AADAC: variants seen among roughly 807,000 people sequenced by gnomAD.
AADAC encodes the protein arylacetamide deacetylase.
AADAC carries 17 observed loss-of-function variants against 22.7 expected under a neutral mutation model. That is an observed-to-expected ratio of 0.75 (90% CI 0.51 to 1.12). The LOEUF (loss-of-function observed/expected upper bound fraction) is 1.12, where lower values mean the gene tolerates loss of function less well. AADAC is among the 50% of genes most tolerant of loss of function. AADAC has a pLI of 0.00. For synonymous variants in AADAC, 167 were observed against 176.3 expected, an observed-to-expected ratio of 0.95 and a Z score of 0.42; for missense variants, 465 against 473.9, an observed-to-expected ratio of 0.98 and a Z score of 0.17.
chr3:151,814,487 T>TA (rs1024932948), intron 1 of AADAC, among the ~76,000 whole-genome samples, 187 bp downstream of exon 1: 9 of 152,012 alleles, frequency 5.9e-5, no homozygotes, highest in Admixed American at 2.6e-4. Flanking sequence ...GGAATCATGT[T>TA]AAAAAAATAT....
chr3:151,819,164 G>A (rs912290715), intron 2 of AADAC, among the ~76,000 whole-genome samples: 1 of 151,972 alleles, frequency 6.6e-6, no homozygotes, highest in Non-Finnish European at 1.5e-5. Context: ...CTGGGAGGGT[G>A]AGAACAGATT....
intron 2 of AADAC, among the ~76,000 whole-genome samples, chr3:151,819,031 A>G (rs1716120939): frequency 1.3e-5 from 2 of 152,034 alleles, no homozygotes; most frequent in African/African-American, 4.8e-5. Flanking sequence ...ATTAGTCCTG[A>G]AAAGAAAAGG....
Position 151,814,310 on chromosome 3 carries a change from G to T in AADAC, c.138+10G>T. 6.2e-7 allele frequency: 1 copy of T among 1,607,478 alleles called. No homozygotes were observed. On this transcript the variant is annotated intron_variant, in intron 1 of 4. Transcript: ENST00000232892. The stretch of plus-strand genomic sequence containing the variant: ...AACTATACAAAATTTGGTAAGTTTG[G>T]AATTTTATGAATTCAGATGTGCATA...
intron 3 of AADAC, 60 bp downstream of exon 3, chr3:151,820,512 C>CTTTTTT: frequency 1.6e-5 from 10 of 615,030 alleles, no homozygotes; most frequent in Admixed American, 5.5e-5. Context: ...ATTTTCTCAG[C>CTTTTTT]TTTCTTTTTT....
chr3:151,815,369 C>T (rs930556496), intron 1 of AADAC, among the ~76,000 whole-genome samples: 1 of 151,938 alleles, frequency 6.6e-6, no homozygotes, highest in Non-Finnish European at 1.5e-5. Flanking sequence ...TTGACAAGTC[C>T]AAGAAATCAT....
At position 151,817,540 on chromosome 3, in the gene AADAC, A is replaced by G. The variant is rs758996539; in HGVS notation, c.313A>G (p.Arg105Gly). Residue 105 changes from arginine to glycine, a missense_variant, in exon 2 of 5, where the codon AGG becomes GGG. Transcript: ENST00000232892. The stretch of plus-strand genomic sequence containing the variant: ...AAAGAGAAAGTCTGAAGCACTAAGA[A>G]GGGGGTTGTTTTACATCCATGGTGG... The part of the protein sequence containing the change: ...VPKRKSEALR[R>G]GLFYIHGGGW... 5.6e-6 allele frequency: 9 copies of G among 1,613,724 alleles called. No homozygotes were observed. In the Admixed American group the frequency reaches 1.3e-4, roughly 24 times the overall value.
In AADAC at chr3:151,827,760, C is replaced by A; in HGVS notation, c.788C>A (p.Ala263Asp). 5.6e-6 allele frequency: 9 copies of A among 1,613,172 alleles called. No individual in the cohort carries two copies. Among genetic ancestry groups the A allele is most frequent in the Non-Finnish European group, 7.6e-6 (9 of 1,179,480 alleles). ...ACCACTGATAGATCACTTGAAAAAGCCATGCTTTCCAGACAACATGTACCT... is the reference window on the plus strand; with the variant it reads ...ACCACTGATAGATCACTTGAAAAAGACATGCTTTCCAGACAACATGTACCT... The part of the protein sequence containing the change: ...YFTTDRSLEK[A>D]MLSRQHVPVE... The change falls in exon 5 of 5, where the codon GCC becomes GAC. Residue 263 changes from alanine (A) to aspartate (D), a missense_variant. Transcript: ENST00000232892.
chr3:151,821,521 A>T (rs1007242156), intron 3 of AADAC, among the ~76,000 whole-genome samples: 2 of 151,984 alleles, frequency 1.3e-5, no homozygotes, highest in African/African-American at 4.8e-5. Context: ...GTCAAGTTAA[A>T]TCATTATTAT....
At position 151,816,553 on chromosome 3, in the gene AADAC, A is replaced by T. The variant is rs1266442554; in HGVS notation, c.139-813A>T. Among the ~76,000 whole-genome samples the T allele has an allele frequency of 2.0e-5, 3 of 152,116 alleles. No individual in the cohort carries two copies. The East Asian group carries it at 5.8e-4, about 29-fold the overall frequency. On this transcript the variant is annotated intron_variant, in intron 1 of 4. Coordinates refer to ENST00000232892, the MANE Select transcript of AADAC (RefSeq NM_001086.3). ...TGTCTGGTTCATCTCTGAAACCGTA[A>T]AGCTTGGTAGAGAGCCTGACACATT...
Position 151,828,092 on chromosome 3 carries a change from G to C in AADAC, c.1120G>C (p.Gly374Arg). The change falls in exon 5 of 5, where the codon GGA (glycine) becomes CGA (arginine). Residue 374 changes from glycine (G) to arginine (R), a missense_variant. Transcript: ENST00000232892. ...THNHVEDGFH[G>R]AFSFLGLKIS... Reference sequence around the variant, plus strand: ...TAACCATGTTGAGGATGGATTCCATGGAGCATTTTCATTTCTGGGACTTAA... The same window carrying C: ...TAACCATGTTGAGGATGGATTCCATCGAGCATTTTCATTTCTGGGACTTAA... 1 of 1,611,386 alleles carries C rather than the reference G, an allele frequency of 6.2e-7. No individual in the cohort carries two copies. Among genetic ancestry groups the C allele is most frequent in the Non-Finnish European group, 8.5e-7 (1 of 1,178,426 alleles).
At chr3:151,816,109 T>G (rs1164092157) in intron 1 of AADAC, among the ~76,000 whole-genome samples, 1 of 152,008 alleles carries the variant, frequency 6.6e-6, no homozygotes, top group Non-Finnish European at 1.5e-5. Context: ...ATGACTACAA[T>G]AGAGTGCTCA....
chr3:151,825,441 A>C (rs1377021338), intron 4 of AADAC, among the ~76,000 whole-genome samples: 1 of 151,812 alleles, frequency 6.6e-6, no homozygotes, highest in East Asian at 1.9e-4. Flanking sequence ...ATATTATATT[A>C]AGTAGGTGAA....
intron 1 of AADAC, among the ~76,000 whole-genome samples, chr3:151,816,423 C>G (rs1187736723): frequency 1.3e-5 from 2 of 152,050 alleles, no homozygotes; most frequent in Admixed American, 6.6e-5. Flanking sequence ...ACCTGCTGTT[C>G]GCTCCCAAAG....
chr3:151,823,446 TAGA>T (rs1299115696), intron 3 of AADAC, among the ~76,000 whole-genome samples: 1 of 151,890 alleles, frequency 6.6e-6, no homozygotes, highest in East Asian at 1.9e-4. Flanking sequence ...TACCAATTAA[TAGA>T]AGTATAGGCG....
intron 1 of AADAC, 117 bp from the exon 2 acceptor site, chr3:151,817,249 T>C (rs983811435): frequency 2.6e-5 from 22 of 847,030 alleles, no homozygotes; most frequent in Non-Finnish European, 3.7e-5. Context: ...GATTCATGCA[T>C]GAAAATTTAG....
intron 3 of AADAC, 89 bp from the exon 4 acceptor site, chr3:151,824,574 C>A (rs12491139): frequency 0.13 from 136,219 of 1,072,598 alleles, 9,938 homozygotes; most frequent in Middle Eastern, 0.15. Flanking sequence ...AAAGTTATTG[C>A]GGTTTTGTCA....
At chr3:151,827,256 A>G (rs533982191) in intron 4 of AADAC, among the ~76,000 whole-genome samples, 3 of 152,104 alleles carry the variant, frequency 2.0e-5, no homozygotes, top group Admixed American at 6.6e-5. Context: ...TATTTATGCA[A>G]TTCTTCTGGT....
At chr3:151,818,909 C>T (rs773823687) in intron 2 of AADAC, among the ~76,000 whole-genome samples, 3 of 151,932 alleles carry the variant, frequency 2.0e-5, no homozygotes, top group Non-Finnish European at 2.9e-5. Flanking sequence ...TCCTAGGGCT[C>T]TTGAGATTCA....
Position 151,817,515 on chromosome 3 carries a change from A to G in AADAC, c.288A>G (p.Pro96=), listed in dbSNP as rs765441230. The G allele has an allele frequency of 9.3e-6, 15 of 1,613,722 alleles. 1 individual carries two copies. In the African/African-American group the frequency reaches 1.2e-4, roughly 13 times the overall value. The change falls in exon 2 of 5, where the codon CCA becomes CCG. Residue 96 remains proline (P), a synonymous_variant. Coordinates refer to ENST00000232892, the MANE Select transcript of AADAC (RefSeq NM_001086.3). Reference sequence around the variant, plus strand: ...ACATTCTTGTTCGGGTATATGTGCCAAAGAGAAAGTCTGAAGCACTAAGAA... The same window carrying G: ...ACATTCTTGTTCGGGTATATGTGCCGAAGAGAAAGTCTGAAGCACTAAGAA... The part of the protein sequence containing the change: ...FNNILVRVYV[P]KRKSEALRRG...
Sources: gnomAD v4.1 joint callset for allele counts (sites outside exome capture counted in the v4.1 genomes callset) on GRCh38, gnomAD v4.1.1 for gene constraint, MANE v1.5 for transcripts, NCBI Gene and HGNC (gene_info 2026-07-23, HGNC 2026-07-21) for gene names.